The following MAGT1 variants were observed in gnomAD, a reference collection of about 807,000 sequenced individuals.
MAGT1 encodes the protein magnesium transporter 1.
A neutral mutation model predicts 28.4 loss-of-function variants in MAGT1; 4 were observed. That is an observed-to-expected ratio of 0.14 (90% CI 0.07 to 0.32). MAGT1 has a LOEUF of 0.32. MAGT1 is among the 10% of genes least tolerant of loss of function. The pLI is 1.00. For missense variants in MAGT1, 193 were observed against 264.5 expected, an observed-to-expected ratio of 0.73 and a Z score of 1.88; for synonymous variants, 89 against 89.7, an observed-to-expected ratio of 0.99 and a Z score of 0.04.
intron 3 of MAGT1, 55 bp from the exon 4 acceptor site, chrX:77,857,552 C>T: frequency 8.6e-7 from 1 of 1,160,384 alleles, no homozygotes; most frequent in Non-Finnish European, 1.2e-6. Context: ...ATCTTAATTG[C>T]AGTTAACATC....
chrX:77,872,250 C>A, intron 2 of MAGT1, among the ~76,000 whole-genome samples: 1 of 110,677 alleles, frequency 9.0e-6, no homozygotes, highest in Admixed American at 9.7e-5. Context: ...ACCATGTTGG[C>A]CAGGCTGGTC....
intron 8 of MAGT1, chrX:77,837,390 A>G (rs781813464): frequency 5.4e-5 from 6 of 111,831 alleles, no homozygotes; most frequent in Non-Finnish European, 1.1e-4. Flanking sequence ...AGTGTTCCAT[A>G]TTTTTTTAAA....
intron 3 of MAGT1, among the ~76,000 whole-genome samples, chrX:77,857,747 A>G (rs1266678321): frequency 9.0e-6 from 1 of 111,426 alleles, no homozygotes; most frequent in Non-Finnish European, 1.9e-5. Context: ...ATTTTACTCC[A>G]CTAGAATGGA....
chrX:77,891,668 G>A (rs1424312614), intron 1 of MAGT1, among the ~76,000 whole-genome samples: 9 of 111,909 alleles, frequency 8.0e-5, no homozygotes, highest in Non-Finnish European at 1.5e-4. Context: ...AGTGGCTCAC[G>A]CCTGTAATTC....
chrX:77,832,647 G>C (rs781788506), intron 8 of MAGT1, among the ~76,000 whole-genome samples: 1 of 108,994 alleles, frequency 9.2e-6, no homozygotes, highest in African/African-American at 3.3e-5. Flanking sequence ...TGGCCAAGAT[G>C]ATGAAGCCCC....
At chrX:77,853,002 C>T (rs2076972505) in intron 7 of MAGT1, among the ~76,000 whole-genome samples, 1 of 112,022 alleles carries the variant, frequency 8.9e-6, no homozygotes, top group Non-Finnish European at 1.9e-5. Context: ...TGCTTATGTA[C>T]TCAGGTGGGT....
At position 77,876,164 on chromosome X, in the gene MAGT1, A is replaced by ATATATATATT. The variant is rs1557217807; in HGVS notation, c.103-568_103-567insAATATATATA. Among the ~76,000 whole-genome samples the ATATATATATT allele has an allele frequency of 1.6e-4, 4 of 24,967 alleles. 1 individual carries two copies. Among genetic ancestry groups the ATATATATATT allele is most frequent in the African/African-American group, 5.9e-4 (4 of 6,816 alleles). The allele number at this position is 24,967 out of a possible 115,157, so 21.7% of individuals were successfully genotyped here. ...TATATATATATATATATATATATATATTTTTTTTTTTTTTTTTTTTTTGTA... is the reference window on the plus strand; with the variant it reads ...TATATATATATATATATATATATATATATATATATTTTTTTTTTTTTTTTTTTTTTTTGTA... On this transcript the variant is annotated intron_variant, in intron 1 of 9. Coordinates refer to ENST00000618282, the MANE Select transcript of MAGT1 (RefSeq NM_001367916.1).
intron 1 of MAGT1, among the ~76,000 whole-genome samples, chrX:77,881,353 T>C (rs1162962676): frequency 9.1e-6 from 1 of 109,853 alleles, no homozygotes; most frequent in Non-Finnish European, 1.9e-5. Context: ...TGCCATGTGG[T>C]GTGCTGCACC....
intron 7 of MAGT1, among the ~76,000 whole-genome samples, chrX:77,853,423 A>T (rs1212296316): frequency 8.9e-6 from 1 of 112,194 alleles, no homozygotes; most frequent in African/African-American, 3.2e-5. Context: ...CAAGGTATAG[A>T]GCTTCAAAGA....
chrX:77,854,313 A>G (rs1461061335), intron 6 of MAGT1, among the ~76,000 whole-genome samples: 1 of 110,912 alleles, frequency 9.0e-6, no homozygotes, highest in East Asian at 2.8e-4. Flanking sequence ...AGATGGGACT[A>G]CAAGTATGCA....
intron 3 of MAGT1, among the ~76,000 whole-genome samples, chrX:77,865,465 GT>G (rs1377432945): frequency 9.7e-6 from 1 of 103,233 alleles, no homozygotes. Flanking sequence ...AATTTTTGTT[GT>G]TTTTTTTTTG....
chrX:77,841,196 T>C (rs1557214367), intron 8 of MAGT1, 50 bp downstream of exon 8: 1 of 946,938 alleles, frequency 1.1e-6, no homozygotes, highest in Non-Finnish European at 1.5e-6. Flanking sequence ...GAGATCACTC[T>C]TTTTCCATAG....
intron 1 of MAGT1, among the ~76,000 whole-genome samples, chrX:77,882,150 AAAT>A (rs1557218527): frequency 3.6e-5 from 4 of 112,163 alleles, no homozygotes; most frequent in Non-Finnish European, 7.5e-5. Context: ...ACGTATCTAA[AAAT>A]AATAAGAGCT....
At chrX:77,849,847 C>A (rs1384267640) in intron 7 of MAGT1, among the ~76,000 whole-genome samples, 2 of 103,661 alleles carry the variant, frequency 1.9e-5, no homozygotes, top group East Asian at 6.0e-4. Context: ...TGAACTCTAG[C>A]CTGGGCAACA....
chrX:77,863,656 T>A (rs2077000538), intron 3 of MAGT1, among the ~76,000 whole-genome samples: 1 of 112,457 alleles, frequency 8.9e-6, no homozygotes, highest in African/African-American at 3.2e-5. Flanking sequence ...CCCCCATGTT[T>A]ACTGCAGCAC....
At chrX:77,886,457 T>C (rs2077068324) in intron 1 of MAGT1, among the ~76,000 whole-genome samples, 1 of 109,515 alleles carries the variant, frequency 9.1e-6, no homozygotes. Context: ...TGAGACTCTG[T>C]CTGTATTTTA....
chrX:77,850,703 T>C (rs1603361031), intron 7 of MAGT1, among the ~76,000 whole-genome samples: 1 of 111,309 alleles, frequency 9.0e-6, no homozygotes, highest in African/African-American at 3.3e-5. Flanking sequence ...AAATGTATAC[T>C]AAACCTTAGG....
At chrX:77,871,519 C>G (rs1428161367) in intron 2 of MAGT1, among the ~76,000 whole-genome samples, 1 of 111,104 alleles carries the variant, frequency 9.0e-6, no homozygotes, top group Non-Finnish European at 1.9e-5. Flanking sequence ...ACAAGCCTGG[C>G]CAACATGGCA....
chrX:77,884,628 C>T (rs782193949), intron 1 of MAGT1, among the ~76,000 whole-genome samples: 4 of 110,043 alleles, frequency 3.6e-5, no homozygotes, highest in South Asian at 7.8e-4. Context: ...AGGAGTGATC[C>T]TGTCAGTGCA....
Sources: allele counts gnomAD v4.1 joint callset (sites outside exome capture counted in the v4.1 genomes callset), GRCh38; gene constraint gnomAD v4.1.1; transcripts MANE v1.5; gene names NCBI Gene and HGNC (gene_info 2026-07-23, HGNC 2026-07-21).